The following DLGAP1 variants were observed in gnomAD, a reference collection of about 807,000 sequenced individuals.
DLGAP1 encodes the protein DLG associated protein 1.
Under a neutral mutation model 90.8 loss-of-function variants are expected in DLGAP1, and 11 were observed. The observed-to-expected ratio is 0.12, with a 90% CI of 0.08 to 0.20. The LOEUF is 0.20. Ranked by LOEUF, DLGAP1 falls within the 10% of genes least tolerant of loss-of-function variation. DLGAP1 has a pLI of 1.00. For synonymous variants in DLGAP1, 558 were observed against 540.7 expected (o/e 1.03, Z -0.44); for missense variants, 1,050 against 1,333.8 (o/e 0.79, Z 3.31).
At chr18:4,419,893 A>C (rs281013) in intron 1 of DLGAP1, among the ~76,000 whole-genome samples, 1 of 152,040 alleles carries the variant, frequency 6.6e-6, no homozygotes, top group Non-Finnish European at 1.5e-5. Context: ...CTAACATAGA[A>C]GGCCAAAAAA....
intron 1 of DLGAP1, among the ~76,000 whole-genome samples, chr18:4,385,003 C>T (rs1019951334): frequency 6.6e-6 from 1 of 152,080 alleles, no homozygotes; most frequent in Non-Finnish European, 1.5e-5. Context: ...GTAATGCCTC[C>T]CTAATGCCTG....
intron 4 of DLGAP1, chr18:3,845,249 C>G (rs754274662): frequency 6.2e-7 from 1 of 1,612,880 alleles, no homozygotes; most frequent in South Asian, 1.1e-5. Context: ...GCTGGAATGC[C>G]AAACAGAATG....
intron 3 of DLGAP1, among the ~76,000 whole-genome samples, chr18:3,947,656 C>G (rs556097697): frequency 6.6e-6 from 1 of 152,314 alleles, no homozygotes; most frequent in South Asian, 2.1e-4. Flanking sequence ...GGGACTCCCC[C>G]CACCCCAATT....
rs746059229 is a variant in DLGAP1, at chr18:3,729,757, A to G, written c.1351-382T>C. Among the ~76,000 whole-genome samples, 1 of 152,200 alleles carries G rather than the reference A, an allele frequency of 6.6e-6. No homozygotes were observed. Among genetic ancestry groups the G allele is most frequent in the Non-Finnish European group, 1.5e-5 (1 of 68,038 alleles). Reference sequence around the variant, plus strand: ...GGGCACCGTTTGTAGAACGCAAGGAAATGTGGGGCTTATTCCAACGCATGA... The same window carrying G: ...GGGCACCGTTTGTAGAACGCAAGGAGATGTGGGGCTTATTCCAACGCATGA... On this transcript the variant is annotated intron_variant, in intron 6 of 12. Coordinates refer to ENST00000315677, the MANE Select transcript of DLGAP1 (RefSeq NM_004746.4). The surrounding 1 kb of genome is among the most constrained non-coding windows in gnomAD (Gnocchi z 6.2).
intron 2 of DLGAP1, among the ~76,000 whole-genome samples, chr18:4,046,433 T>A (rs928110476): frequency 7.2e-5 from 11 of 152,254 alleles, no homozygotes; most frequent in Admixed American, 6.5e-5. Context: ...CCATATCATC[T>A]TAGTTAGCAT....
intron 1 of DLGAP1, among the ~76,000 whole-genome samples, chr18:4,350,046 A>G (rs2081375878): frequency 6.6e-6 from 1 of 152,184 alleles, no homozygotes; most frequent in African/African-American, 2.4e-5. Flanking sequence ...AAAACCAAGT[A>G]TTAACTTCTG....
intron 10 of DLGAP1, among the ~76,000 whole-genome samples, chr18:3,529,327 G>C (rs2051846250): frequency 6.6e-6 from 1 of 152,132 alleles, no homozygotes; most frequent in Non-Finnish European, 1.5e-5. Context: ...GCCCTTGCCA[G>C]ACACCAAACC....
intron 7 of DLGAP1, among the ~76,000 whole-genome samples, chr18:3,704,952 C>T (rs545208428): frequency 2.9e-4 from 44 of 152,258 alleles, no homozygotes; most frequent in African/African-American, 9.6e-4. Flanking sequence ...GACATGAATA[C>T]ATGCAAAAGC....
chr18:3,772,370 TTCTTTCTTTCTTTCTTTC>T (rs2064689239), intron 5 of DLGAP1, among the ~76,000 whole-genome samples: 1 of 14,304 alleles, frequency 7.0e-5, no homozygotes, highest in African/African-American at 1.3e-4. Context: ...CTTTCTTTCT[TTCTTTCTTTCTTTCTTTC>T]TTTCTTTCTT....
intron 4 of DLGAP1, among the ~76,000 whole-genome samples, chr18:3,860,808 G>A (rs887646927): frequency 6.6e-6 from 1 of 152,140 alleles, no homozygotes. Context: ...CTGAACTATT[G>A]AGAGATTAAC....
At chr18:3,814,334 T>C in intron 4 of DLGAP1, 61 bp from the exon 5 acceptor site, 1 of 1,483,526 alleles carries the variant, frequency 6.7e-7, no homozygotes, top group Non-Finnish European at 9.1e-7. Context: ...TCTTTTCTTT[T>C]TCTTTTTTTT....
rs79733220 is a variant in DLGAP1 at position 4,034,576 on chromosome 18, C to A, written c.-158-29375G>T. Reference sequence around the variant, plus strand: ...ATCTCTAGCATTACAGATTTTATAACCTTCCTCAGTAGGAAGTTGGAATGC... The same window carrying A: ...ATCTCTAGCATTACAGATTTTATAAACTTCCTCAGTAGGAAGTTGGAATGC... On this transcript the variant is annotated intron_variant, in intron 2 of 12. Coordinates refer to ENST00000315677, the MANE Select transcript of DLGAP1 (RefSeq NM_004746.4). 4.6e-3 allele frequency among the ~76,000 whole-genome samples: 697 copies of A among 152,184 alleles called. 27 individuals carry two copies. The East Asian group carries it at 0.062, about 13-fold the overall frequency.
intron 1 of DLGAP1, among the ~76,000 whole-genome samples, chr18:4,328,202 T>C (rs902449081): frequency 6.6e-6 from 1 of 152,054 alleles, no homozygotes; most frequent in Non-Finnish European, 1.5e-5. Flanking sequence ...GCAACACATA[T>C]GTTAATAAAC....
In DLGAP1 at chr18:3,526,417, C is replaced by T. The variant is rs775293875; in HGVS notation, c.2479+7777G>A. ...TAACCAAACCTGAAACCAGGCAAAC[C>T]CCATTTCAGGTGTCATTACCAGCCC... On this transcript the variant is annotated intron_variant, in intron 10 of 12. Transcript: ENST00000315677. The surrounding 1 kb of genome is among the most constrained non-coding windows in gnomAD (Gnocchi z 4.7). 6.6e-6 allele frequency among the ~76,000 whole-genome samples: 1 copy of T among 152,132 alleles called. No individual in the cohort carries two copies. Among genetic ancestry groups the T allele is most frequent in the Non-Finnish European group, 1.5e-5 (1 of 68,016 alleles).
chr18:4,382,004 G>C (rs1267092488), intron 1 of DLGAP1, among the ~76,000 whole-genome samples: 1 of 152,108 alleles, frequency 6.6e-6, no homozygotes, highest in Non-Finnish European at 1.5e-5. Context: ...GAGATCTCAT[G>C]AGACTTATTC....
chr18:3,508,149 G>A (rs2050348837), intron 11 of DLGAP1, among the ~76,000 whole-genome samples: 1 of 152,132 alleles, frequency 6.6e-6, no homozygotes, highest in Non-Finnish European at 1.5e-5. Flanking sequence ...TTAAAACAGA[G>A]AACTCAGATT....
At chr18:4,091,988 C>T (rs933526699) in intron 2 of DLGAP1, among the ~76,000 whole-genome samples, 1 of 151,926 alleles carries the variant, frequency 6.6e-6, no homozygotes, top group African/African-American at 2.4e-5. Context: ...TAAATAGTAT[C>T]TATGTCTGGA....
At position 3,523,585 on chromosome 18, in the gene DLGAP1, C is replaced by A. The variant is rs9947430; in HGVS notation, c.2479+10609G>T. On this transcript the variant is annotated intron_variant, in intron 10 of 12. Transcript: ENST00000315677. ...AGGTCCGACCAGGTGCGGTGGCTCA[C>A]GCCTGTAATCCCAGCACTTTGGGAG... Among the ~76,000 whole-genome samples, 14 of 151,872 alleles carry A rather than the reference C, an allele frequency of 9.2e-5. No individual in the cohort carries two copies. The East Asian group carries it at 1.2e-3, about 13-fold the overall frequency.
chr18:4,065,501 A>G (rs979972970), intron 2 of DLGAP1, among the ~76,000 whole-genome samples: 63 of 152,136 alleles, frequency 4.1e-4, no homozygotes, highest in African/African-American at 1.4e-3. Flanking sequence ...AATGTGCAAA[A>G]ATCACTAGCA....
Sources: gnomAD v4.1 joint callset for allele counts (sites outside exome capture counted in the v4.1 genomes callset) on GRCh38, gnomAD v4.1.1 for gene constraint, Gnocchi (gnomAD v3.1) non-coding constraint, MANE v1.5 for transcripts, NCBI Gene and HGNC (gene_info 2026-07-23, HGNC 2026-07-21) for gene names.